Variants in KCNMA1 observed in about 807,000 individuals in gnomAD.
KCNMA1 encodes potassium calcium-activated channel subfamily M alpha 1, also known as Calcium-activated potassium channel subunit alpha-1.
In KCNMA1, 29 loss-of-function variants were observed where a neutral mutation model predicts 140.0. That is an observed-to-expected ratio of 0.21 (90% CI 0.15 to 0.28). KCNMA1 has a LOEUF of 0.28. Among genes scored for constraint, KCNMA1 ranks in the 10% least tolerant of loss-of-function variants. The pLI is 1.00. For missense variants in KCNMA1, 880 were observed against 1,602.2 expected, an observed-to-expected ratio of 0.55 and a Z score of 7.70; for synonymous variants, 612 against 611.9, an observed-to-expected ratio of 1.00 and a Z score of 0.00.
rs894317042 is a variant in KCNMA1 at position 77,296,644 on chromosome 10, G to A, written c.541-45388C>T. Among the ~76,000 whole-genome samples the A allele has an allele frequency of 3.9e-5, 6 of 152,032 alleles. No individual in the cohort carries two copies. The East Asian group carries it at 7.7e-4, about 20-fold the overall frequency. ...AACACTATCAGTTCCAATGAAAGCT[G>A]ATGTATGAAAAACATCTCCCTTAGT... On this transcript the variant is annotated intron_variant, in intron 2 of 27. Coordinates refer to ENST00000286628, the MANE Select transcript of KCNMA1 (RefSeq NM_001161352.2).
chr10:77,391,190 C>T (rs1333015197), intron 2 of KCNMA1, among the ~76,000 whole-genome samples: 10 of 152,284 alleles, frequency 6.6e-5, no homozygotes, highest in Non-Finnish European at 2.9e-5. Flanking sequence ...AATTAACCAA[C>T]CTCCAGTAAA....
At chr10:77,484,258 T>C (rs2098436459) in intron 1 of KCNMA1, among the ~76,000 whole-genome samples, 1 of 152,222 alleles carries the variant, frequency 6.6e-6, no homozygotes. Flanking sequence ...CATTCACTTA[T>C]CCCGTTACGT....
chr10:77,274,598 T>C (rs777062939), intron 2 of KCNMA1, among the ~76,000 whole-genome samples: 3 of 152,142 alleles, frequency 2.0e-5, no homozygotes, highest in Non-Finnish European at 4.4e-5. Flanking sequence ...CCATGCCTAG[T>C]GGAAGCCCCA....
intron 1 of KCNMA1, among the ~76,000 whole-genome samples, chr10:77,627,895 C>T (rs2092724398): frequency 6.6e-6 from 1 of 152,344 alleles, no homozygotes; most frequent in Admixed American, 6.5e-5. Flanking sequence ...AGCTTCCTTC[C>T]ACCACTGTGA....
At chr10:77,275,719 G>A (rs1318234076) in intron 2 of KCNMA1, among the ~76,000 whole-genome samples, 1 of 152,186 alleles carries the variant, frequency 6.6e-6, no homozygotes, top group Non-Finnish European at 1.5e-5. Context: ...AGGAAGTTGT[G>A]AGCAGGTTGC....
chr10:76,950,140 G>A (rs1444227060), intron 21 of KCNMA1, among the ~76,000 whole-genome samples: 3 of 152,160 alleles, frequency 2.0e-5, no homozygotes, highest in Non-Finnish European at 4.4e-5. Flanking sequence ...TACAACAGCA[G>A]AGCTAATCAG....
At chr10:76,930,782 C>A (rs1241808154) in intron 23 of KCNMA1, among the ~76,000 whole-genome samples, 1 of 151,804 alleles carries the variant, frequency 6.6e-6, no homozygotes, top group Admixed American at 6.6e-5. Context: ...TGTACCTGCA[C>A]ATATATATAA....
intron 1 of KCNMA1, among the ~76,000 whole-genome samples, chr10:77,540,454 C>G (rs1317847896): frequency 6.6e-6 from 1 of 152,184 alleles, no homozygotes; most frequent in African/African-American, 2.4e-5. Flanking sequence ...ATATAACTTT[C>G]ACAATGTTCA....
intron 2 of KCNMA1, among the ~76,000 whole-genome samples, chr10:77,303,944 T>A (rs2077091332): frequency 1.3e-5 from 2 of 152,248 alleles, no homozygotes; most frequent in South Asian, 4.1e-4. Flanking sequence ...AATTTGTTTA[T>A]CACCCGTCTC....
intron 6 of KCNMA1, among the ~76,000 whole-genome samples, chr10:77,119,915 C>CA (rs200907141): frequency 0.022 from 3,270 of 151,526 alleles, 53 homozygotes; most frequent in South Asian, 0.051. Flanking sequence ...AATAAACAAG[C>CA]AAAAAAAACA....
chr10:76,992,365 C>T (rs961512797), intron 19 of KCNMA1, among the ~76,000 whole-genome samples: 3 of 152,202 alleles, frequency 2.0e-5, no homozygotes, highest in East Asian at 1.9e-4. Context: ...AAGGCCTTTG[C>T]AATTCCCTCT....
chr10:77,120,801 A>G (rs1564655050), intron 6 of KCNMA1, among the ~76,000 whole-genome samples, 172 bp downstream of exon 6: 1 of 152,144 alleles, frequency 6.6e-6, no homozygotes, highest in African/African-American at 2.4e-5. Flanking sequence ...GCCCTGCAGA[A>G]GAGAGCAACT....
intron 2 of KCNMA1, among the ~76,000 whole-genome samples, chr10:77,367,864 T>C (rs1016850314): frequency 2.6e-5 from 4 of 152,220 alleles, no homozygotes; most frequent in African/African-American, 9.6e-5. Context: ...TTCATCCAAG[T>C]TGTTGCTTTT....
At chr10:77,483,895 C>T (rs2098432172) in intron 1 of KCNMA1, among the ~76,000 whole-genome samples, 1 of 152,206 alleles carries the variant, frequency 6.6e-6, no homozygotes, top group Non-Finnish European at 1.5e-5. Context: ...ACTGCCCCTC[C>T]TCTTTCAGGA....
chr10:77,126,514 T>A (rs1386816850), intron 5 of KCNMA1, among the ~76,000 whole-genome samples: 1 of 152,202 alleles, frequency 6.6e-6, no homozygotes, highest in African/African-American at 2.4e-5. Flanking sequence ...TATCCAAGAC[T>A]GCATTAAATG....
intron 6 of KCNMA1, among the ~76,000 whole-genome samples, chr10:77,118,112 T>C (rs2097523533): frequency 6.6e-6 from 1 of 152,208 alleles, no homozygotes; most frequent in South Asian, 2.1e-4. Flanking sequence ...CCTCCATCCC[T>C]GCCTAATGCC....
intron 5 of KCNMA1, among the ~76,000 whole-genome samples, chr10:77,125,664 G>A (rs899427803): frequency 6.6e-6 from 1 of 152,174 alleles, no homozygotes; most frequent in African/African-American, 2.4e-5. Flanking sequence ...GTTACTTTCT[G>A]CCTTCCTCTC....
chr10:77,117,990 C>T (rs1209468179), intron 6 of KCNMA1, among the ~76,000 whole-genome samples: 1 of 152,166 alleles, frequency 6.6e-6, no homozygotes, highest in South Asian at 2.1e-4. Flanking sequence ...ATCTTTCTGC[C>T]CACCTTATGC....
At chr10:77,520,164 G>A (rs2052614058) in intron 1 of KCNMA1, among the ~76,000 whole-genome samples, 1 of 41,306 alleles carries the variant, frequency 2.4e-5, no homozygotes, top group East Asian at 6.6e-4. Context: ...TCTGGCATAT[G>A]CAGTGTGAGG....
Sources: gnomAD v4.1 joint callset for allele counts (sites outside exome capture counted in the v4.1 genomes callset) on GRCh38, gnomAD v4.1.1 for gene constraint, MANE v1.5 for transcripts, NCBI Gene and HGNC (gene_info 2026-07-23, HGNC 2026-07-21) for gene names.